Variants in VPS37B observed in about 807,000 individuals in gnomAD.
VPS37B encodes vacuolar protein sorting-associated protein 37B.
In VPS37B, 11 loss-of-function variants were observed where a neutral mutation model predicts 21.2. That is an observed-to-expected ratio of 0.52 (90% CI 0.33 to 0.86). The LOEUF is 0.86. Among genes scored for constraint, VPS37B ranks in the 40% least tolerant of loss-of-function variants. VPS37B has a pLI of 0.03. For missense variants in VPS37B, 389 were observed against 374.8 expected (o/e 1.04, Z -0.31); for synonymous variants, 175 against 159.6 (o/e 1.10, Z -0.73).
chr12:122,867,165 C>G lies in VPS37B; in HGVS notation c.809G>C (p.Arg270Thr). The change falls in exon 4 of 4, where the codon AGA becomes ACA. Residue 270 changes from arginine to threonine, a missense_variant. Physicochemically the swap from Arg to Thr is moderately conservative, Grantham distance 71. Transcript: ENST00000267202. The surrounding 1 kb of genome is among the most constrained non-coding windows in gnomAD (Gnocchi z 5.5). ...GTGTGGAGGGAGCCGGGGCGGGGGTCTCTGAGGGAGAGGTGGCGGATATGG... is the reference window on the plus strand; with the variant it reads ...GTGTGGAGGGAGCCGGGGCGGGGGTGTCTGAGGGAGAGGTGGCGGATATGG... The part of the protein sequence containing the change: ...VSPYPPPLPQ[R>T]PPPRLPPHQP... The G allele has an allele frequency of 6.4e-7, 1 of 1,556,252 alleles. No homozygotes were observed. Among genetic ancestry groups the G allele is most frequent in the South Asian group, 1.2e-5 (1 of 80,638 alleles).
chr12:122,884,996 C>T (rs1593920898), intron 1 of VPS37B: 1 of 152,044 alleles, frequency 6.6e-6, no homozygotes, highest in African/African-American at 2.4e-5. Flanking sequence ...AACACCTGAC[C>T]CGGAATTTGG....
At chr12:122,869,080 C>T (rs1445712197) in intron 2 of VPS37B, among the ~76,000 whole-genome samples, 3 of 152,220 alleles carry the variant, frequency 2.0e-5, no homozygotes, top group Non-Finnish European at 2.9e-5. Flanking sequence ...TTCTTGCACT[C>T]AGCACCGCGT....
chr12:122,868,206 G>A lies in VPS37B; in HGVS notation c.366+274C>T, dbSNP rs900763202. The stretch of plus-strand genomic sequence containing the variant: ...CTTGAACGACGGCACGTGGTAATCC[G>A]CCACTGGCCCCAGGGGCCGGCGTTC... On this transcript the variant is annotated intron_variant, in intron 3 of 3. Coordinates refer to ENST00000267202, the MANE Select transcript of VPS37B (RefSeq NM_024667.3). This position sits in a 1 kb window ranked among gnomAD's most constrained non-coding sequence, Gnocchi z 5.5. 5.0e-4 allele frequency among the ~76,000 whole-genome samples: 76 copies of A among 152,202 alleles called. No individual in the cohort carries two copies. Among genetic ancestry groups the A allele is most frequent in the African/African-American group, 1.7e-3 (70 of 41,460 alleles).
At chr12:122,890,555 G>C (rs934706812) in intron 1 of VPS37B, among the ~76,000 whole-genome samples, 1 of 151,956 alleles carries the variant, frequency 6.6e-6, no homozygotes, top group Non-Finnish European at 1.5e-5. Context: ...CTCAAACTAC[G>C]GGGCTTAAGT....
Position 122,867,971 on chromosome 12 carries a change from G to A in VPS37B, c.367-364C>T, listed in dbSNP as rs559343557. ...CACCCTGACTGACAGACTCGCCCTGGGTGGGTAAGCAAGACAGAAACACCT... is the reference window on the plus strand; with the variant it reads ...CACCCTGACTGACAGACTCGCCCTGAGTGGGTAAGCAAGACAGAAACACCT... On this transcript the variant is annotated intron_variant, in intron 3 of 3. Transcript: ENST00000267202. This position sits in a 1 kb window ranked among gnomAD's most constrained non-coding sequence, Gnocchi z 5.5. Among the ~76,000 whole-genome samples the A allele has an allele frequency of 6.6e-6, 1 of 152,304 alleles. No homozygotes were observed. The highest frequency in any genetic ancestry group is 2.1e-4 in the South Asian group (1 of 4,824).
At chr12:122,872,108 T>G (rs1231469513) in intron 1 of VPS37B, 7 of 985,396 alleles carry the variant, frequency 7.1e-6, no homozygotes, top group Admixed American at 1.2e-4. Flanking sequence ...TTCCTTCCTC[T>G]TAGTAGCTCG....
intron 1 of VPS37B, among the ~76,000 whole-genome samples, chr12:122,893,059 CAA>C (rs11429369): frequency 5.7e-5 from 8 of 139,194 alleles, no homozygotes; most frequent in Admixed American, 1.4e-4. Context: ...GATCCTTTCT[CAA>C]AAAAAAAAAA....
chr12:122,890,155 T>C (rs1035510585), intron 1 of VPS37B: 3 of 152,212 alleles, frequency 2.0e-5, no homozygotes, highest in African/African-American at 7.2e-5. Flanking sequence ...CTGGTAGATA[T>C]TATTCTATTT....
At chr12:122,881,466 T>G (rs767347803) in intron 1 of VPS37B, 4 of 152,234 alleles carry the variant, frequency 2.6e-5, no homozygotes, top group Non-Finnish European at 4.4e-5. Context: ...ATGCCAGGTA[T>G]GGTGGCTCAT....
intron 1 of VPS37B, chr12:122,881,012 G>A (rs900400022): frequency 6.6e-6 from 1 of 152,180 alleles, no homozygotes; most frequent in Non-Finnish European, 1.5e-5. Context: ...TCCAATAAAA[G>A]GCTCAAAAGA....
In VPS37B at chr12:122,868,445, G is replaced by A. The variant is rs147334696; in HGVS notation, c.366+35C>T. 1.1e-3 allele frequency: 1,751 copies of A among 1,599,898 alleles called. 2 individuals are homozygous for A. The highest frequency in any genetic ancestry group is 5.5e-3 in the Admixed American group (325 of 58,702). ...AGCGGGCCCACGGACTGCCCAAAGC[G>A]CCCCAAGGATTCCACCAAGGCTGGT... On this transcript the variant is annotated intron_variant, in intron 3 of 3. Transcript: ENST00000267202. The surrounding 1 kb of genome is among the most constrained non-coding windows in gnomAD (Gnocchi z 5.5).
intron 1 of VPS37B, chr12:122,871,328 C>T: frequency 8.5e-7 from 1 of 1,182,960 alleles, no homozygotes; most frequent in Non-Finnish European, 1.0e-6. Context: ...CATGCAGAGC[C>T]TTCCCTGCCA....
At chr12:122,892,584 C>CCTAT (rs1373196876) in intron 1 of VPS37B, among the ~76,000 whole-genome samples, 1 of 152,104 alleles carries the variant, frequency 6.6e-6, no homozygotes, top group Admixed American at 6.5e-5. Flanking sequence ...ACCATTTCAC[C>CCTAT]CTATACCTAC....
At chr12:122,885,785 G>A (rs1245805883) in intron 1 of VPS37B, 1 of 141,222 alleles carries the variant, frequency 7.1e-6, no homozygotes, top group African/African-American at 2.6e-5. Context: ...CCGGGTTCAC[G>A]CCATTCTCCT....
At chr12:122,869,483 T>C (rs2033979360) in intron 2 of VPS37B, among the ~76,000 whole-genome samples, 2 of 152,244 alleles carry the variant, frequency 1.3e-5, no homozygotes, top group Admixed American at 1.3e-4. Flanking sequence ...GTACTGCCAG[T>C]CTTTTTACTT....
chr12:122,892,519 G>T (rs80184257), intron 1 of VPS37B, among the ~76,000 whole-genome samples: 1 of 144,266 alleles, frequency 6.9e-6, no homozygotes, highest in Non-Finnish European at 1.5e-5. Context: ...AAAAAAAAAA[G>T]AAATCCTTTG....
In VPS37B at chr12:122,896,023, A is replaced by G. The variant is rs777389127; in HGVS notation, c.40T>C (p.Ser14Pro). 1.9e-6 allele frequency: 3 copies of G among 1,592,646 alleles called. No individual in the cohort carries two copies. Among genetic ancestry groups the G allele is most frequent in the Non-Finnish European group, 2.6e-6 (3 of 1,172,656 alleles). Residue 14 changes from serine to proline, a missense_variant, in exon 1 of 4, where the codon TCG becomes CCG. Coordinates refer to ENST00000267202, the MANE Select transcript of VPS37B (RefSeq NM_024667.3). ...AGCAGCTCGTTGAGCTGCACCAGCG[A>G]CAGCCCGGCGAACCGGGCTTCGCTC... ...AGSEARFAGL[S>P]LVQLNELLED...
chr12:122,870,810 C>A (rs1388588896), intron 2 of VPS37B, 80 bp downstream of exon 2: 217 of 1,409,404 alleles, frequency 1.5e-4, no homozygotes, highest in Middle Eastern at 2.3e-4. Context: ...CGTAATATTT[C>A]TTTCCTGGTA....
Position 122,866,315 on chromosome 12 carries a change from G to A in VPS37B, c.*801C>T, listed in dbSNP as rs758334421. 5 of 152,640 alleles carry A rather than the reference G, an allele frequency of 3.3e-5. No individual in the cohort carries two copies. The highest frequency in any genetic ancestry group is 5.9e-5 in the Non-Finnish European group (4 of 68,040). The allele number at this position is 152,640 out of a possible 1,614,324, so 9.5% of individuals were successfully genotyped here. ...ATAAAATTTCCCTGAATGGTCTTGG[G>A]AGTGTCAAAAAAGTTTTTTCAATAT... On this transcript the variant is annotated 3_prime_UTR_variant, in exon 4 of 4. Coordinates refer to ENST00000267202, the MANE Select transcript of VPS37B (RefSeq NM_024667.3).
Sources: allele counts gnomAD v4.1 joint callset (sites outside exome capture counted in the v4.1 genomes callset), GRCh38; gene constraint gnomAD v4.1.1; non-coding constraint Gnocchi (gnomAD v3.1); transcripts MANE v1.5; gene names NCBI Gene and HGNC (gene_info 2026-07-23, HGNC 2026-07-21).